The following SLC24A3 variants were observed in gnomAD, a reference collection of about 807,000 sequenced individuals.
SLC24A3 encodes sodium/potassium/calcium exchanger 3.
In SLC24A3, 28 loss-of-function variants were observed where a neutral mutation model predicts 75.8. That is an observed-to-expected ratio of 0.37 (90% CI 0.27 to 0.51). SLC24A3 has a LOEUF of 0.51. Among genes scored for constraint, SLC24A3 ranks in the 20% least tolerant of loss-of-function variants. The pLI is 0.94. For synonymous variants in SLC24A3, 372 were observed against 334.1 expected (o/e 1.11, Z -1.24); for missense variants, 663 against 847.8 (o/e 0.78, Z 2.71).
At chr20:19,271,972 T>C (rs1983343833) in intron 1 of SLC24A3, among the ~76,000 whole-genome samples, 2 of 152,312 alleles carry the variant, frequency 1.3e-5, no homozygotes, top group East Asian at 3.9e-4. Flanking sequence ...CCGAAAACTA[T>C]TGAAATAAAA....
At chr20:19,357,890 A>T (rs1568598661) in intron 2 of SLC24A3, among the ~76,000 whole-genome samples, 1 of 152,196 alleles carries the variant, frequency 6.6e-6, no homozygotes, top group Non-Finnish European at 1.5e-5. Flanking sequence ...TTCAAACCTT[A>T]ATTTTGCCAA....
At position 19,357,248 on chromosome 20, in the gene SLC24A3, T is replaced by G. The variant is rs1199654096; in HGVS notation, c.271+76161T>G. Among the ~76,000 whole-genome samples the G allele has an allele frequency of 3.3e-5, 5 of 152,172 alleles. No homozygotes were observed. The East Asian group carries it at 9.6e-4, about 29-fold the overall frequency. The stretch of plus-strand genomic sequence containing the variant: ...AGACAGGCAAGGAACAGATTCCTTC[T>G]TAGAGCTTCTGGAGGGGGCATGGCT... On this transcript the variant is annotated intron_variant, in intron 2 of 16. Transcript: ENST00000328041.
chr20:19,719,722 A>C (rs959216249), intron 16 of SLC24A3, among the ~76,000 whole-genome samples: 1 of 152,236 alleles, frequency 6.6e-6, no homozygotes, highest in Non-Finnish European at 1.5e-5. Flanking sequence ...GATTTCCTCC[A>C]ACCCTGATGG....
At chr20:19,681,049 C>G (rs765558800) in intron 9 of SLC24A3, among the ~76,000 whole-genome samples, 5 of 152,134 alleles carry the variant, frequency 3.3e-5, no homozygotes, top group Admixed American at 6.5e-5. Flanking sequence ...GCTGTCTTTG[C>G]CCGTGAGTTT....
intron 1 of SLC24A3, among the ~76,000 whole-genome samples, chr20:19,223,637 G>GT (rs1175439202): frequency 6.6e-6 from 1 of 152,120 alleles, no homozygotes; most frequent in Non-Finnish European, 1.5e-5. Context: ...TAGAACAATC[G>GT]TAATATACTC....
intron 2 of SLC24A3, among the ~76,000 whole-genome samples, chr20:19,451,880 G>C (rs1024316267): frequency 6.6e-6 from 1 of 152,102 alleles, no homozygotes; most frequent in Non-Finnish European, 1.5e-5. Flanking sequence ...TTTTCCCCTA[G>C]CAGTGCTAGA....
chr20:19,631,360 A>G (rs1281867280), intron 6 of SLC24A3, among the ~76,000 whole-genome samples: 1 of 152,186 alleles, frequency 6.6e-6, no homozygotes, highest in Non-Finnish European at 1.5e-5. Flanking sequence ...AATGAAAATA[A>G]AAAGATATTG....
At chr20:19,709,758 C>T (rs1272391230) in intron 15 of SLC24A3, among the ~76,000 whole-genome samples, 1 of 152,110 alleles carries the variant, frequency 6.6e-6, no homozygotes, top group East Asian at 1.9e-4. Flanking sequence ...GTCCAAAGTC[C>T]AACTCTAAAT....
intron 6 of SLC24A3, among the ~76,000 whole-genome samples, chr20:19,619,038 C>T (rs1206993306): frequency 6.6e-6 from 1 of 152,178 alleles, no homozygotes; most frequent in Non-Finnish European, 1.5e-5. Context: ...GCCCCACATC[C>T]CACCCTGCCT....
chr20:19,297,806 G>C (rs1322664494), intron 2 of SLC24A3, among the ~76,000 whole-genome samples: 1 of 152,180 alleles, frequency 6.6e-6, no homozygotes, highest in Non-Finnish European at 1.5e-5. Flanking sequence ...TTAGAGCTTT[G>C]GTTGACCACA....
At chr20:19,245,306 A>T (rs1438701909) in intron 1 of SLC24A3, among the ~76,000 whole-genome samples, 1 of 152,150 alleles carries the variant, frequency 6.6e-6, no homozygotes, top group African/African-American at 2.4e-5. Context: ...AAGAATGGAA[A>T]TTTTCTCTGA....
At position 19,371,098 on chromosome 20, in the gene SLC24A3, T is replaced by C. The variant is rs554871132; in HGVS notation, c.271+90011T>C. Among the ~76,000 whole-genome samples, 39 of 152,014 alleles carry C rather than the reference T, an allele frequency of 2.6e-4. 1 individual carries two copies. The South Asian group carries it at 8.1e-3, about 32-fold the overall frequency. On this transcript the variant is annotated intron_variant, in intron 2 of 16. Transcript: ENST00000328041. ...GGGTGCAGTGCATCCCTCTGGGAGG[T>C]GAATGAGGACAGGAGCTCTGGGGGC...
chr20:19,226,724 C>A (rs781028621), intron 1 of SLC24A3, among the ~76,000 whole-genome samples: 25 of 152,164 alleles, frequency 1.6e-4, no homozygotes, highest in Non-Finnish European at 2.6e-4. Context: ...CTCCAATTTA[C>A]ATGCGAAGAA....
chr20:19,604,482 G>A (rs2031570172), intron 6 of SLC24A3, among the ~76,000 whole-genome samples: 1 of 152,208 alleles, frequency 6.6e-6, no homozygotes. Context: ...CAAGGGCTAG[G>A]CAGGGCTGGG....
At chr20:19,681,223 G>A (rs564885711) in intron 9 of SLC24A3, among the ~76,000 whole-genome samples, 1 of 152,160 alleles carries the variant, frequency 6.6e-6, no homozygotes. Context: ...TCATTCTGGA[G>A]GATAATAGCC....
intron 9 of SLC24A3, among the ~76,000 whole-genome samples, chr20:19,677,532 A>G (rs560133885): frequency 2.2e-4 from 33 of 151,836 alleles, no homozygotes; most frequent in African/African-American, 7.5e-4. Flanking sequence ...GCAACCATCA[A>G]CCCACAGTTG....
intron 2 of SLC24A3, among the ~76,000 whole-genome samples, chr20:19,361,104 G>A (rs938470682): frequency 2.0e-5 from 3 of 152,216 alleles, no homozygotes; most frequent in East Asian, 1.9e-4. Flanking sequence ...TGGGATTACA[G>A]GCGTGAACCA....
At chr20:19,280,794 C>T (rs907006144) in intron 1 of SLC24A3, among the ~76,000 whole-genome samples, 165 bp from the exon 2 acceptor site, 8 of 152,154 alleles carry the variant, frequency 5.3e-5, no homozygotes, top group African/African-American at 1.9e-4. Flanking sequence ...TCAAAGTCAT[C>T]CCACTGGTGC....
chr20:19,642,570 C>T (rs1319058487), intron 6 of SLC24A3, among the ~76,000 whole-genome samples: 1 of 152,168 alleles, frequency 6.6e-6, no homozygotes, highest in Admixed American at 6.5e-5. Flanking sequence ...TCCCTTGTCT[C>T]AGCCTTCTCT....
Sources: gnomAD v4.1 joint callset for allele counts (sites outside exome capture counted in the v4.1 genomes callset) on GRCh38, gnomAD v4.1.1 for gene constraint, MANE v1.5 for transcripts, NCBI Gene and HGNC (gene_info 2026-07-23, HGNC 2026-07-21) for gene names.